Variants in FYB1 observed in about 807,000 individuals in gnomAD.
The protein encoded by FYB1 is FYN binding protein 1, also known as FYN-binding protein 1.
Under a neutral mutation model 94.1 loss-of-function variants are expected in FYB1, and 41 were observed. The observed-to-expected ratio is 0.44, with a 90% CI of 0.34 to 0.57. The LOEUF is 0.57. Ranked by LOEUF, FYB1 falls within the 20% of genes least tolerant of loss-of-function variation. The pLI is 0.02. For missense variants in FYB1, 1,050 were observed against 976.8 expected, an observed-to-expected ratio of 1.07 and a Z score of -1.00; for synonymous variants, 367 against 353.2, an observed-to-expected ratio of 1.04 and a Z score of -0.44.
intron 1 of FYB1, among the ~76,000 whole-genome samples, chr5:39,235,681 G>A (rs1029085325): frequency 2.0e-5 from 3 of 151,764 alleles, no homozygotes; most frequent in Non-Finnish European, 4.4e-5. Flanking sequence ...AGTATTTGGT[G>A]CTAGGTGTTG....
intron 2 of FYB1, among the ~76,000 whole-genome samples, chr5:39,182,562 T>A (rs746101679): frequency 1.3e-5 from 2 of 152,210 alleles, no homozygotes; most frequent in Non-Finnish European, 2.9e-5. Context: ...GTGTGACCCA[T>A]GCAGGTACGA....
In FYB1 at chr5:39,248,781, G is replaced by A. The variant is rs116449445; in HGVS notation, c.-28+25622C>T. On this transcript the variant is annotated intron_variant, in intron 1 of 1. Transcript: ENST00000510188. ...GAACCAGGGAGGTGGTTTTTGCAGC[G>A]AGCCGAGATCATGCCACTGAACTCC... is the stretch of plus-strand genomic sequence containing the variant. Among the ~76,000 whole-genome samples, 472 of 152,170 alleles carry A rather than the reference G, an allele frequency of 3.1e-3. 3 individuals carry two copies. The highest frequency in any genetic ancestry group is 0.011 in the African/African-American group (446 of 41,534).
chr5:39,138,560 C>A, intron 6 of FYB1, 97 bp downstream of exon 6: 1 of 633,336 alleles, frequency 1.6e-6, no homozygotes, highest in Non-Finnish European at 2.7e-6. Flanking sequence ...ACAAATCAAG[C>A]TTCCCTCCTA....
rs565586184 is a variant in FYB1, at chr5:39,262,958, AG to A, written c.-28+11444del. Among the ~76,000 whole-genome samples, 827 of 152,294 alleles carry A rather than the reference AG, an allele frequency of 5.4e-3. 7 individuals carry two copies. The highest frequency in any genetic ancestry group is 0.018 in the African/African-American group (750 of 41,564). On this transcript the variant is annotated intron_variant, in intron 1 of 1. Coordinates refer to the FYB1 transcript ENST00000510188. ...TAGTTGTTTCTGTGCTGTGGGAAGG[AG>A]GGACATAGAACTGGAAAAGGGCAGA... is the stretch of plus-strand genomic sequence containing the variant.
chr5:39,209,659 A>C (rs909259570), intron 1 of FYB1, among the ~76,000 whole-genome samples: 1 of 152,080 alleles, frequency 6.6e-6, no homozygotes, highest in South Asian at 2.1e-4. Context: ...TATAATTTAC[A>C]TGTGTGTTCT....
intron 2 of FYB1, among the ~76,000 whole-genome samples, chr5:39,167,981 C>T (rs1008947425): frequency 3.3e-5 from 5 of 152,100 alleles, no homozygotes; most frequent in African/African-American, 1.2e-4. Flanking sequence ...ACAACAGTGC[C>T]CATCACAAAC....
chr5:39,255,706 G>T (rs141787148), intron 1 of FYB1, among the ~76,000 whole-genome samples: 1 of 152,250 alleles, frequency 6.6e-6, no homozygotes, highest in East Asian at 1.9e-4. Flanking sequence ...ATACTTTAAA[G>T]CCAAAGGGAA....
intron 1 of FYB1, among the ~76,000 whole-genome samples, chr5:39,218,316 C>T (rs564359890): frequency 6.6e-6 from 1 of 152,154 alleles, no homozygotes; most frequent in African/African-American, 2.4e-5. Context: ...CACCCTTATC[C>T]TCCTCCCCCT....
chr5:39,267,661 C>G (rs975416950), intron 1 of FYB1, among the ~76,000 whole-genome samples: 1 of 152,120 alleles, frequency 6.6e-6, no homozygotes, highest in African/African-American at 2.4e-5. Flanking sequence ...TGAAGTATAA[C>G]CTTTTCATGC....
intron 1 of FYB1, among the ~76,000 whole-genome samples, chr5:39,270,238 T>A (rs1024568662): frequency 6.6e-6 from 1 of 152,134 alleles, no homozygotes; most frequent in Admixed American, 6.5e-5. Flanking sequence ...TCCAAACTGC[T>A]CATAACAGGA....
chr5:39,257,675 T>C (rs1204042080), intron 1 of FYB1, among the ~76,000 whole-genome samples: 2 of 152,160 alleles, frequency 1.3e-5, no homozygotes, highest in Non-Finnish European at 2.9e-5. Flanking sequence ...ACTTTAAACT[T>C]TGTTCACTAG....
intron 2 of FYB1, among the ~76,000 whole-genome samples, chr5:39,164,406 C>G (rs913498301): frequency 3.4e-4 from 51 of 152,176 alleles, no homozygotes; most frequent in African/African-American, 1.2e-3. Flanking sequence ...CAACACAGCA[C>G]ATTTTTGGGC....
intron 2 of FYB1, among the ~76,000 whole-genome samples, chr5:39,180,783 C>T (rs549681131): frequency 5.3e-5 from 8 of 152,278 alleles, no homozygotes; most frequent in African/African-American, 1.9e-4. Flanking sequence ...ACTTCTCCAG[C>T]TTCTACCCTA....
At chr5:39,151,345 A>G (rs1743226684) in intron 3 of FYB1, among the ~76,000 whole-genome samples, 1 of 152,078 alleles carries the variant, frequency 6.6e-6, no homozygotes, top group Non-Finnish European at 1.5e-5. Flanking sequence ...GCTGGAGTGC[A>G]GTGGCACAAT....
rs1745080776 is a variant in FYB1, at chr5:39,169,770, C to CA, written c.1136-16167dup. 1.4e-5 allele frequency: 7 copies of CA among 491,088 alleles called. No homozygotes were observed. In the Admixed American group the frequency reaches 1.8e-4, roughly 12 times the overall value. 30.4% of individuals were successfully genotyped at this position (491,088 alleles called of 1,614,324 possible). On this transcript the variant is annotated intron_variant, in intron 2 of 18. Transcript: ENST00000512982. ...ATTAGGTGTTGGGATGTGCTCAGTG[C>CA]AGGCAGCATTTGATGATGCATTTTC...
rs76502274 is a variant in FYB1, at chr5:39,126,338, AT to A, written c.1908-204del. 0.43 allele frequency among the ~76,000 whole-genome samples: 64,603 copies of A among 151,366 alleles called. 16,646 individuals are homozygous for A. The highest frequency in any genetic ancestry group is 0.72 in the African/African-American group (29,877 of 41,276). ...GAATACTGCTCCTACGAACCTGATCATTTTTTTTTCTATCAAGTGAGAATTC... is the reference window on the plus strand; with the variant it reads ...GAATACTGCTCCTACGAACCTGATCATTTTTTTTCTATCAAGTGAGAATTC... On this transcript the variant is annotated intron_variant, in intron 11 of 18. Coordinates refer to ENST00000512982, the MANE Select transcript of FYB1 (RefSeq NM_001465.6).
At chr5:39,205,851 T>G (rs1287796508) in intron 1 of FYB1, among the ~76,000 whole-genome samples, 1 of 152,168 alleles carries the variant, frequency 6.6e-6, no homozygotes, top group Non-Finnish European at 1.5e-5. Flanking sequence ...ATCTTTAAAA[T>G]GAGAATAATA....
At chr5:39,274,364 A>G (rs900174826) in intron 1 of FYB1, 2 of 152,200 alleles carry the variant, frequency 1.3e-5, no homozygotes, top group Non-Finnish European at 2.9e-5. Context: ...GTGCCTGGCT[A>G]AGACCCCTGA....
At chr5:39,270,663 G>T in intron 1 of FYB1, 5 of 1,276,270 alleles carry the variant, frequency 3.9e-6, no homozygotes, top group Non-Finnish European at 5.4e-6. Context: ...TATGCAGAGT[G>T]TACTTCCTTT....
Sources: gnomAD v4.1 joint callset for allele counts (sites outside exome capture counted in the v4.1 genomes callset) on GRCh38, gnomAD v4.1.1 for gene constraint, MANE v1.5 for transcripts, NCBI Gene and HGNC (gene_info 2026-07-23, HGNC 2026-07-21) for gene names.